The following ADAMTS10 variants were observed in gnomAD, a reference collection of about 807,000 sequenced individuals.
ADAMTS10 encodes the protein A disintegrin and metalloproteinase with thrombospondin motifs 10.
In ADAMTS10, 48 loss-of-function variants were observed where a neutral mutation model predicts 135.9. The observed-to-expected ratio is 0.35, with a 90% confidence interval of 0.28 to 0.45. ADAMTS10 has a LOEUF of 0.45. ADAMTS10 is among the 20% of genes least tolerant of loss of function. The probability of loss-of-function intolerance (pLI) is 1.00; values close to 1 mark genes in which losing one functional copy is unlikely to be tolerated. For synonymous variants in ADAMTS10, 621 were observed against 647.5 expected (o/e 0.96, Z 0.62); for missense variants, 1,131 against 1,565.2 (o/e 0.72, Z 4.68).
At chr19:8,607,893 C>T (rs538375637) in intron 2 of ADAMTS10, among the ~76,000 whole-genome samples, 64 of 41,524 alleles carry the variant, frequency 1.5e-3, no homozygotes, top group African/African-American at 2.7e-3. Context: ...TCACTGCAAC[C>T]TCTGTCTCTC....
At chr19:8,589,720 C>T in intron 16 of ADAMTS10, 135 bp from the exon 17 acceptor site, 2 of 1,469,776 alleles carry the variant, frequency 1.4e-6, no homozygotes, top group Non-Finnish European at 1.8e-6. Context: ...GGAGTGGGGG[C>T]TCCCAGCGTC....
rs781831056 is a variant in ADAMTS10 at position 8,586,334 on chromosome 19, C to G, written c.2530+10G>C. Reference sequence around the variant, plus strand: ...AGGTATCTTGTGCCTTCCCCCACCCCCGGCCTCACCGCCTGCACACTGGGC... The same window carrying G: ...AGGTATCTTGTGCCTTCCCCCACCCGCGGCCTCACCGCCTGCACACTGGGC... On this transcript the variant is annotated intron_variant, in intron 21 of 25. Coordinates refer to ENST00000597188, the MANE Select transcript of ADAMTS10 (RefSeq NM_030957.4). The G allele has an allele frequency of 1.6e-5, 26 of 1,613,530 alleles. No individual in the cohort carries two copies. The highest frequency in any genetic ancestry group is 3.3e-5 in the Admixed American group (2 of 59,984).
chr19:8,595,278 T>A (rs1431299480), intron 12 of ADAMTS10, among the ~76,000 whole-genome samples: 1 of 151,884 alleles, frequency 6.6e-6, no homozygotes, highest in Admixed American at 6.6e-5. Flanking sequence ...AATCTAAACC[T>A]CAGGAAAGGG....
At position 8,586,236 on chromosome 19, in the gene ADAMTS10, G is replaced by A. The variant is rs781857217; in HGVS notation, c.2546C>T (p.Ala849Val). ...AQCAGGSQVQ[A>V]VECRNQLDSS... ...GTCCAGCTGGTTGCGGCACTCCACCGCCTGCACCTGGCTACCTGGAGGGGA... is the reference window on the plus strand; with the variant it reads ...GTCCAGCTGGTTGCGGCACTCCACCACCTGCACCTGGCTACCTGGAGGGGA... Residue 849 changes from alanine (A) to valine (V), a missense_variant, in exon 22 of 26, where the codon GCG becomes GTG. By Grantham distance (64) the Ala-to-Val change is moderately conservative (BLOSUM62 0). Around this residue, in one of 3 missense-constraint regions of ADAMTS10, gnomAD observed 745 missense variants for 1,056.3 expected, o/e 0.71. Coordinates refer to ENST00000597188, the MANE Select transcript of ADAMTS10 (RefSeq NM_030957.4). The A allele has an allele frequency of 1.9e-6, 3 of 1,613,042 alleles. No individual in the cohort carries two copies. In the South Asian group the frequency reaches 3.3e-5, roughly 18 times the overall value.
chr19:8,591,447 T>G (rs539412125), intron 15 of ADAMTS10, among the ~76,000 whole-genome samples: 96 of 148,060 alleles, frequency 6.5e-4, no homozygotes, highest in Middle Eastern at 6.8e-3. Context: ...TTTTTGTTTT[T>G]TTTTTTTTTT....
chr19:8,603,594 C>T, intron 5 of ADAMTS10, 134 bp downstream of exon 5: 2 of 1,357,440 alleles, frequency 1.5e-6, no homozygotes, highest in Non-Finnish European at 2.1e-6. Flanking sequence ...AATTATATCA[C>T]TGTGTCCCCT....
At chr19:8,591,453 T>G (rs1357658281) in intron 15 of ADAMTS10, among the ~76,000 whole-genome samples, 6 of 150,404 alleles carry the variant, frequency 4.0e-5, no homozygotes, top group East Asian at 1.9e-4. Context: ...TTTTTTTTTT[T>G]TTTTTTGAGA....
At chr19:8,609,121 CGTGT>C (rs1364730269) in intron 1 of ADAMTS10, among the ~76,000 whole-genome samples, 1 of 150,154 alleles carries the variant, frequency 6.7e-6, no homozygotes, top group Middle Eastern at 3.4e-3. Context: ...TGCACTGTGG[CGTGT>C]GTGTGTGACT....
rs1161658208 is a variant in ADAMTS10 at position 8,601,980 on chromosome 19, C to T, written c.593-835G>A. ...TGATTGTACAATCCACTGACAATTC[C>T]ACTGCCCGAATGGAATGGTGTGAAC... On this transcript the variant is annotated intron_variant, in intron 5 of 25. Coordinates refer to ENST00000597188, the MANE Select transcript of ADAMTS10 (RefSeq NM_030957.4). This position sits in a 1 kb window ranked among gnomAD's most constrained non-coding sequence, Gnocchi z 4.6. Among the ~76,000 whole-genome samples the T allele has an allele frequency of 1.3e-5, 2 of 152,184 alleles. No homozygotes were observed. Among genetic ancestry groups the T allele is most frequent in the African/African-American group, 4.8e-5 (2 of 41,450 alleles).
Position 8,605,774 on chromosome 19 carries a change from T to G in ADAMTS10, c.-64A>C. 1.3e-6 allele frequency: 2 copies of G among 1,547,794 alleles called. No individual in the cohort carries two copies. Among genetic ancestry groups the G allele is most frequent in the Non-Finnish European group, 1.7e-6 (2 of 1,150,646 alleles). ...TGCCGGCAGCCCCCACAGTGCCGCC[T>G]CCCCTGTTCACAGCCTTCGCAGCAT... On this transcript the variant is annotated 5_prime_UTR_variant, in exon 3 of 26. Coordinates refer to ENST00000597188, the MANE Select transcript of ADAMTS10 (RefSeq NM_030957.4). The surrounding 1 kb of genome is among the most constrained non-coding windows in gnomAD (Gnocchi z 7.7).
In ADAMTS10 at chr19:8,605,362, T is replaced by C; in HGVS notation, c.89-4A>G. 6.3e-7 allele frequency: 1 copy of C among 1,592,066 alleles called. No homozygotes were observed. Among genetic ancestry groups the C allele is most frequent in the Non-Finnish European group, 8.6e-7 (1 of 1,169,358 alleles). On this transcript the variant is annotated splice_region_variant and splice_polypyrimidine_tract_variant and intron_variant, in intron 3 of 25. Coordinates refer to ENST00000597188, the MANE Select transcript of ADAMTS10 (RefSeq NM_030957.4). This position sits in a 1 kb window ranked among gnomAD's most constrained non-coding sequence, Gnocchi z 7.7. The stretch of plus-strand genomic sequence containing the variant: ...TCCAGACTGGACAGGAACTCATCTG[T>C]GGGTGAGGGTCAGAGGCCTGGGGTG...
chr19:8,595,814 T>C lies in ADAMTS10; in HGVS notation c.1427A>G (p.Asp476Gly). ...TCCATGCTGAAAGCGGCATTGCTCA[T>C]CTGCATCGTAGGCTTGGCCCGGTGC... ...TVAPGQAYDA[D>G]EQCRFQHGVK... is the part of the protein sequence containing the mutation. Residue 476 changes from aspartate (D) to glycine (G), a missense_variant, in exon 12 of 26, where the codon GAT becomes GGT. Transcript: ENST00000597188. 2 of 1,613,242 alleles carry C rather than the reference T, an allele frequency of 1.2e-6. No homozygotes were observed. The highest frequency in any genetic ancestry group is 1.7e-6 in the Non-Finnish European group (2 of 1,179,486).
chr19:8,606,647 C>T (rs1004200319), intron 2 of ADAMTS10, among the ~76,000 whole-genome samples: 8 of 152,174 alleles, frequency 5.3e-5, no homozygotes, highest in Non-Finnish European at 1.0e-4. Flanking sequence ...GCATCACACT[C>T]GTATCCCTCA....
Position 8,580,813 on chromosome 19 carries a change from C to G in ADAMTS10, c.*80G>C, listed in dbSNP as rs577672521. On this transcript the variant is annotated 3_prime_UTR_variant, in exon 26 of 26. Coordinates refer to ENST00000597188, the MANE Select transcript of ADAMTS10 (RefSeq NM_030957.4). The stretch of plus-strand genomic sequence containing the variant: ...CCCTTCCCTCCCAGTTCCCGCCCCC[C>G]CGGGGCCCCCTCTGGCCGGCCCGCT... 3.3e-5 allele frequency: 40 copies of G among 1,200,060 alleles called. No homozygotes were observed. Among genetic ancestry groups the G allele is most frequent in the East Asian group, 3.1e-4 (12 of 39,060 alleles). 74.3% of individuals were successfully genotyped at this position (1,200,060 alleles called of 1,614,324 possible). A position where few individuals can be genotyped will look rare whatever the true frequency, so the allele number is the denominator to read the frequency against.
rs782055051 is a variant in ADAMTS10, at chr19:8,596,042, C to T, written c.1337+31G>A. 1.4e-5 allele frequency: 23 copies of T among 1,614,052 alleles called. No individual in the cohort carries two copies. Among genetic ancestry groups the T allele is most frequent in the Admixed American group, 5.0e-5 (3 of 60,024 alleles). On this transcript the variant is annotated intron_variant, in intron 11 of 25. Coordinates refer to ENST00000597188, the MANE Select transcript of ADAMTS10 (RefSeq NM_030957.4). The surrounding 1 kb of genome is among the most constrained non-coding windows in gnomAD (Gnocchi z 7.2). ...ACCCTGCCCCACCATGAGTGTGACC[C>T]GCTCTGAGGGACACCCAGGTGCATC...
In ADAMTS10 at chr19:8,597,267, G is replaced by A. The variant is rs781868632; in HGVS notation, c.861C>T (p.Leu287=). 7.4e-6 allele frequency: 12 copies of A among 1,614,166 alleles called. No homozygotes were observed. Among genetic ancestry groups the A allele is most frequent in the Non-Finnish European group, 9.3e-6 (11 of 1,180,040 alleles). ...CCGTGAGCAGGATGAGGCGAGTTAC[G>A]AGGATGTTAACGGTGCTTCCCAGAC... The part of the protein sequence containing the change: ...DSSLGSTVNI[L]VTRLILLTED... Residue 287 remains leucine (L), a synonymous_variant, in exon 7 of 26, where the codon CTC becomes CTT. Coordinates refer to ENST00000597188, the MANE Select transcript of ADAMTS10 (RefSeq NM_030957.4).
rs1457948583 is a variant in ADAMTS10, at chr19:8,604,992, T to G, written c.435+20A>C. Reference sequence around the variant, plus strand: ...AAACTTATGGGCATTTCCCCCCGCGTTCCAGAATCCTCAGCTCACCAGGCC... The same window carrying G: ...AAACTTATGGGCATTTCCCCCCGCGGTCCAGAATCCTCAGCTCACCAGGCC... On this transcript the variant is annotated intron_variant, in intron 4 of 25. Transcript: ENST00000597188. 10 of 1,582,700 alleles carry G rather than the reference T, an allele frequency of 6.3e-6. No individual in the cohort carries two copies. The highest frequency in any genetic ancestry group is 1.4e-5 in the African/African-American group (1 of 73,936).
At chr19:8,591,699 C>G (rs1555738921) in intron 15 of ADAMTS10, 101 bp downstream of exon 15, 1 of 1,436,682 alleles carries the variant, frequency 7.0e-7, no homozygotes, top group Non-Finnish European at 9.7e-7. Context: ...CTTGGCCTCC[C>G]AAAGTGTTGG....
chr19:8,580,943 T>C lies in ADAMTS10; in HGVS notation c.3262A>G (p.Ser1088Gly), dbSNP rs200639529. Residue 1088 changes from serine (S) to glycine (G), a missense_variant, in exon 26 of 26, where the codon AGC becomes GGC. This residue lies in a region of ADAMTS10 where 745 missense variants were observed against 1,056.3 expected (regional missense o/e 0.71). Coordinates refer to ENST00000597188, the MANE Select transcript of ADAMTS10 (RefSeq NM_030957.4). Reference protein sequence around the residue: ...CPLVLKFQFCSRAYFRQMCCK... With the variant: ...CPLVLKFQFCGRAYFRQMCCK... ...CACATCTGGCGGAAGTAGGCTCGGCTGCAGAACTGAAATTTGAGCACCAGG... is the reference window on the plus strand; with the variant it reads ...CACATCTGGCGGAAGTAGGCTCGGCCGCAGAACTGAAATTTGAGCACCAGG... The C allele has an allele frequency of 3.2e-5, 51 of 1,613,488 alleles. No individual in the cohort carries two copies. In the East Asian group the frequency reaches 8.0e-4, roughly 25 times the overall value.
Sources: gnomAD v4.1 joint callset for allele counts (sites outside exome capture counted in the v4.1 genomes callset) on GRCh38, gnomAD v4.1.1 for gene constraint, gnomAD v4.1.1 regional missense constraint, Gnocchi (gnomAD v3.1) non-coding constraint, MANE v1.5 for transcripts, NCBI Gene and HGNC (gene_info 2026-07-23, HGNC 2026-07-21) for gene names.